Variants in GTF2E2 observed in about 807,000 individuals in gnomAD.
The protein encoded by GTF2E2 is transcription initiation factor IIE subunit beta.
A neutral mutation model predicts 40.5 loss-of-function variants in GTF2E2; 21 were observed. That is an observed-to-expected ratio of 0.52 (90% CI 0.37 to 0.75). The LOEUF is 0.75. Ranked by LOEUF, GTF2E2 falls within the 30% of genes least tolerant of loss-of-function variation. The probability of loss-of-function intolerance (pLI) is 0.00; values close to 1 mark genes in which losing one functional copy is unlikely to be tolerated. For missense variants in GTF2E2, 298 were observed against 338.4 expected (o/e 0.88, Z 0.94); for synonymous variants, 117 against 121.6 (o/e 0.96, Z 0.25).
intron 3 of GTF2E2, among the ~76,000 whole-genome samples, chr8:30,617,327 T>G (rs1175718950): frequency 6.6e-6 from 1 of 152,176 alleles, no homozygotes; most frequent in African/African-American, 2.4e-5. Flanking sequence ...ATTCAAATAT[T>G]TAGTGGTAAC....
chr8:30,637,215 CTTGT>C (rs5890529), intron 2 of GTF2E2: 89,342 of 455,308 alleles, frequency 0.2, 9,634 homozygotes, highest in Middle Eastern at 0.28. Flanking sequence ...ACATTTAATG[CTTGT>C]TTAAGTAAAA....
At chr8:30,633,803 G>C (rs1801508471) in intron 3 of GTF2E2, among the ~76,000 whole-genome samples, 1 of 152,186 alleles carries the variant, frequency 6.6e-6, no homozygotes, top group Non-Finnish European at 1.5e-5. Flanking sequence ...ATAAATGGAT[G>C]AAATGAATCA....
chr8:30,629,299 C>T (rs1801371790), intron 3 of GTF2E2, among the ~76,000 whole-genome samples: 1 of 152,106 alleles, frequency 6.6e-6, no homozygotes, highest in Non-Finnish European at 1.5e-5. Flanking sequence ...CTATGGACTC[C>T]AGAGTTTCTA....
At chr8:30,614,107 G>A (rs1800828491) in intron 4 of GTF2E2, among the ~76,000 whole-genome samples, 1 of 152,090 alleles carries the variant, frequency 6.6e-6, no homozygotes, top group East Asian at 1.9e-4. Context: ...AGTCGAATTG[G>A]TACAATGACT....
chr8:30,578,746 G>A lies in GTF2E2; in HGVS notation c.*175C>T, dbSNP rs1433196938. On this transcript the variant is annotated 3_prime_UTR_variant, in exon 8 of 8. Coordinates refer to ENST00000355904, the MANE Select transcript of GTF2E2 (RefSeq NM_002095.6). ...ACAGGGAACATCACATTGCCCATGA[G>A]CCCATTCTACTCAAATAAGCTTTGA... The A allele has an allele frequency of 1.8e-6, 1 of 541,336 alleles. No homozygotes were observed. The highest frequency in any genetic ancestry group is 3.4e-6 in the Non-Finnish European group (1 of 298,270). The allele number at this position is 541,336 out of a possible 1,614,324, so 33.5% of individuals were successfully genotyped here. A position where few individuals can be genotyped will look rare whatever the true frequency, so the allele number is the denominator to read the frequency against.
chr8:30,637,255 T>C (rs2978266), intron 2 of GTF2E2: 14,463 of 456,038 alleles, frequency 0.032, 380 homozygotes, highest in African/African-American at 0.086. Flanking sequence ...CCCACGCAAC[T>C]GTATAAACAA....
intron 2 of GTF2E2, among the ~76,000 whole-genome samples, chr8:30,638,885 T>A (rs1419143533): frequency 1.3e-5 from 2 of 152,302 alleles, no homozygotes; most frequent in East Asian, 3.9e-4. Flanking sequence ...ATGAACCTGA[T>A]CTATATCCAG....
Position 30,645,142 on chromosome 8 carries a change from A to C in GTF2E2, c.166+8291T>G, listed in dbSNP as rs527575702. On this transcript the variant is annotated intron_variant, in intron 2 of 7. Transcript: ENST00000355904. ...GGACGTTGGCCCAGATATACAAAAA[A>C]ATTCAAAACTACCATTTAGGCATTA... The C allele has an allele frequency of 4.0e-6, 3 of 757,754 alleles. No homozygotes were observed. The East Asian group carries it at 8.1e-5, about 21-fold the overall frequency. 46.9% of individuals were successfully genotyped at this position (757,754 alleles called of 1,614,324 possible).
At chr8:30,621,955 A>AG (rs1217217338) in intron 3 of GTF2E2, among the ~76,000 whole-genome samples, 2 of 146,086 alleles carry the variant, frequency 1.4e-5, no homozygotes, top group African/African-American at 5.4e-5. Flanking sequence ...TGTTAAATCT[A>AG]GGGGGTTCTT....
chr8:30,653,739 A>T, intron 1 of GTF2E2, 137 bp from the exon 2 acceptor site: 1 of 632,798 alleles, frequency 1.6e-6, no homozygotes, highest in Non-Finnish European at 2.7e-6. Flanking sequence ...GCATTTATTC[A>T]CTTATTCAAG....
chr8:30,605,395 T>C (rs1585955996), intron 6 of GTF2E2, among the ~76,000 whole-genome samples: 4 of 152,242 alleles, frequency 2.6e-5, no homozygotes, highest in Admixed American at 2.6e-4. Flanking sequence ...ATAAGCATAT[T>C]ATTAGCAATT....
intron 6 of GTF2E2, among the ~76,000 whole-genome samples, chr8:30,604,856 T>C (rs1365320781): frequency 6.6e-6 from 1 of 152,200 alleles, no homozygotes; most frequent in Non-Finnish European, 1.5e-5. Flanking sequence ...ACAAAGGCCA[T>C]ATAAAATGAC....
At chr8:30,657,639 G>A (rs1329492200) in intron 1 of GTF2E2, 2 of 152,196 alleles carry the variant, frequency 1.3e-5, no homozygotes, top group Non-Finnish European at 2.9e-5. Flanking sequence ...TCACAGTCTT[G>A]AGCTGGCTGG....
At chr8:30,587,470 C>A (rs1381651789) in intron 6 of GTF2E2, among the ~76,000 whole-genome samples, 6 of 147,254 alleles carry the variant, frequency 4.1e-5, no homozygotes, top group Admixed American at 6.8e-5. Flanking sequence ...AAAATAATAG[C>A]AAAAAAAAAA....
intron 6 of GTF2E2, among the ~76,000 whole-genome samples, chr8:30,594,746 T>G (rs969551151): frequency 4.0e-5 from 6 of 151,384 alleles, no homozygotes; most frequent in African/African-American, 1.5e-4. Flanking sequence ...TAATCCCAGC[T>G]ACTGGGGAGG....
Position 30,580,307 on chromosome 8 carries a change from T to G in GTF2E2, c.733A>C (p.Met245Leu). 1 of 1,605,998 alleles carries G rather than the reference T, an allele frequency of 6.2e-7. No individual in the cohort carries two copies. Among genetic ancestry groups the G allele is most frequent in the Non-Finnish European group, 8.5e-7 (1 of 1,172,482 alleles). ...EYLKRQGISS[M>L]QESGPKKVAP... ...ACTTTCTTTGGTCCAGATTCCTGCATGGAAGAAATACCCTGTCGCTTCAGA... is the reference window on the plus strand; with the variant it reads ...ACTTTCTTTGGTCCAGATTCCTGCAGGGAAGAAATACCCTGTCGCTTCAGA... The change falls in exon 7 of 8, where the codon ATG becomes CTG. Residue 245 changes from methionine to leucine, a missense_variant. By Grantham distance (15) the Met-to-Leu change is conservative. Transcript: ENST00000355904.
At chr8:30,641,574 G>A (rs1342380668) in intron 2 of GTF2E2, among the ~76,000 whole-genome samples, 1 of 152,076 alleles carries the variant, frequency 6.6e-6, no homozygotes, top group African/African-American at 2.4e-5. Context: ...TGCCCAGGCT[G>A]GTCTCAAACT....
At chr8:30,614,236 C>T (rs920143373) in intron 4 of GTF2E2, among the ~76,000 whole-genome samples, 2 of 152,164 alleles carry the variant, frequency 1.3e-5, no homozygotes, top group African/African-American at 4.8e-5. Flanking sequence ...AAAGACCCTA[C>T]ACCATTTCTT....
intron 2 of GTF2E2, among the ~76,000 whole-genome samples, chr8:30,637,547 G>A (rs1041349847): frequency 6.6e-5 from 10 of 151,530 alleles, no homozygotes; most frequent in African/African-American, 2.4e-4. Context: ...TATTTGAGAT[G>A]GAGTCTCACT....
Sources: allele counts gnomAD v4.1 joint callset (sites outside exome capture counted in the v4.1 genomes callset), GRCh38; gene constraint gnomAD v4.1.1; transcripts MANE v1.5; gene names NCBI Gene and HGNC (gene_info 2026-07-23, HGNC 2026-07-21).